Variants in EDDM3A observed in about 807,000 individuals in gnomAD.
EDDM3A encodes the protein epididymal secretory protein E3-alpha.
For missense variants in EDDM3A, 199 were observed against 177.4 expected (o/e 1.12, Z -0.69); for synonymous variants, 75 against 60.4 (o/e 1.24, Z -1.12).
Position 20,745,968 on chromosome 14 carries a change from G to A in EDDM3A, c.-51G>A, listed in dbSNP as rs1400874909. ...CATGCTGATCCCCACTACAATCAGT[G>A]ACCTGAACTCAGAGTCCAAGTAGGG... On this transcript the variant is annotated 5_prime_UTR_variant, in exon 1 of 2. Transcript: ENST00000326842. 2.0e-5 allele frequency: 3 copies of A among 152,192 alleles called. No homozygotes were observed. The highest frequency in any genetic ancestry group is 4.4e-5 in the Non-Finnish European group (3 of 68,056). The allele number at this position is 152,192 out of a possible 1,614,324, so 9.4% of individuals were successfully genotyped here.
At chr14:20,746,342 G>T (rs1413044301) in intron 1 of EDDM3A, among the ~76,000 whole-genome samples, 1 of 151,980 alleles carries the variant, frequency 6.6e-6, no homozygotes, top group Non-Finnish European at 1.5e-5. Flanking sequence ...TTAGACTCTT[G>T]CAGGTCTGTA....
rs532594291 is a variant in EDDM3A at position 20,747,837 on chromosome 14, G to C, written c.257G>C (p.Ser86Thr). The change falls in exon 2 of 2, where the codon AGC (serine) becomes ACC (threonine). Residue 86 changes from serine to threonine, a missense_variant. By Grantham distance (58) the Ser-to-Thr change is moderately conservative (BLOSUM62 1). Transcript: ENST00000326842. ...CGTGCATGCATCAATGAGAAGGGGA[G>C]CGACCGATATAGAAATGCATATGTA... ...IQRACINEKG[S>T]DRYRNAYVWA... The C allele has an allele frequency of 6.2e-7, 1 of 1,614,040 alleles. No individual in the cohort carries two copies. Among genetic ancestry groups the C allele is most frequent in the Admixed American group, 1.7e-5 (1 of 60,012 alleles).
chr14:20,741,445 CAT>C, upstream of EDDM3A, among the ~76,000 whole-genome samples: 1 of 152,278 alleles, frequency 6.6e-6, no homozygotes, highest in East Asian at 1.9e-4. Flanking sequence ...AACTATAAAA[CAT>C]GTAGCAGCAA....
At position 20,747,608 on chromosome 14, in the gene EDDM3A, A is replaced by G; in HGVS notation, c.28A>G (p.Ile10Val). 1 of 1,610,300 alleles carries G rather than the reference A, an allele frequency of 6.2e-7. No homozygotes were observed. The highest frequency in any genetic ancestry group is 8.5e-7 in the Non-Finnish European group (1 of 1,177,824). Residue 10 changes from isoleucine (I) to valine (V), a missense_variant, in exon 2 of 2, where the codon ATA becomes GTA. Physicochemically the swap from Ile to Val is conservative, Grantham distance 29. Transcript: ENST00000326842. MTSSLKIWG[I>V]LLALLCILCR... is the part of the protein sequence containing the mutation. ...GACATCCTCTCTAAAGATTTGGGGC[A>G]TACTCTTGGCCCTGCTTTGCATCCT...
rs755249699 is a variant in EDDM3A at position 20,747,812 on chromosome 14, C to T, written c.232C>T (p.Arg78Cys). The change falls in exon 2 of 2, where the codon CGT becomes TGT. Residue 78 changes from arginine (R) to cysteine (C), a missense_variant. Arg to Cys is a radical substitution (Grantham distance 180, BLOSUM62 -3). Transcript: ENST00000326842. The part of the protein sequence containing the change: ...FIYSLWFKIQ[R>C]ACINEKGSDR... ...CTATAGCTTATGGTTCAAAATTCAG[C>T]GTGCATGCATCAATGAGAAGGGGAG... The T allele has an allele frequency of 3.4e-5, 55 of 1,613,904 alleles. No individual in the cohort carries two copies. In the African/African-American group the frequency reaches 5.9e-4, roughly 17 times the overall value.
chr14:20,736,311 T>C, the EDDM3A span, among the ~76,000 whole-genome samples: 3 of 152,194 alleles, frequency 2.0e-5, no homozygotes, highest in Admixed American at 1.3e-4. Context: ...GGTTTCACCA[T>C]GTTGGCCAGG....
At chr14:20,740,831 G>GTTTA in the EDDM3A span, among the ~76,000 whole-genome samples, 4 of 151,986 alleles carry the variant, frequency 2.6e-5, no homozygotes, top group African/African-American at 7.3e-5. Flanking sequence ...ATGACAAGAT[G>GTTTA]CAGGAATGGC....
At chr14:20,739,497 A>G in the EDDM3A span, among the ~76,000 whole-genome samples, 1 of 152,174 alleles carries the variant, frequency 6.6e-6, no homozygotes, top group Non-Finnish European at 1.5e-5. Flanking sequence ...AGCAATTGTC[A>G]TGAGATCCAA....
chr14:20,747,520 A>C (rs1877631872), intron 1 of EDDM3A, 35 bp from the exon 2 acceptor site: 13 of 1,323,508 alleles, frequency 9.8e-6, no homozygotes, highest in Non-Finnish European at 1.4e-5. Context: ...CTCTGAGTAT[A>C]GTCTGGTTAA....
rs747322164 is a variant in EDDM3A, at chr14:20,747,694, C to T, written c.114C>T (p.Tyr38=). The T allele has an allele frequency of 2.5e-6, 4 of 1,614,004 alleles. No individual in the cohort carries two copies. Among genetic ancestry groups the T allele is most frequent in the Admixed American group, 1.7e-5 (1 of 59,998 alleles). ...GGAGAGAATTCATAAAACTTCATTA[C>T]TTAAGTCCAAGTCGAGAATTCAAAG... ...IYWREFIKLH[Y]LSPSREFKEY... The change falls in exon 2 of 2, where the codon TAC becomes TAT. Residue 38 remains tyrosine, a synonymous_variant. Coordinates refer to ENST00000326842, the MANE Select transcript of EDDM3A (RefSeq NM_006683.5).
rs754085330 is a variant in EDDM3A, at chr14:20,747,980, G to C, written c.400G>C (p.Asp134His). The C allele has an allele frequency of 6.2e-7, 1 of 1,612,670 alleles. No homozygotes were observed. Among genetic ancestry groups the C allele is most frequent in the South Asian group, 1.1e-5 (1 of 90,718 alleles). ...EFHCGVDGYV[D>H]NIEDLRIIEP... is the part of the protein sequence containing the mutation. The stretch of plus-strand genomic sequence containing the variant: ...CCATTGTGGCGTAGATGGATATGTT[G>C]ATAACATAGAAGACCTGAGGATTAT... The change falls in exon 2 of 2, where the codon GAT (aspartate) becomes CAT (histidine). Residue 134 changes from aspartate to histidine, a missense_variant. Asp to His is a moderately conservative substitution (Grantham distance 81). Transcript: ENST00000326842.
At chr14:20,736,166 G>A in the EDDM3A span, among the ~76,000 whole-genome samples, 2 of 151,158 alleles carry the variant, frequency 1.3e-5, no homozygotes, top group Non-Finnish European at 2.9e-5. Context: ...CTGGAGTGCA[G>A]TGGCCAGATC....
upstream of EDDM3A, among the ~76,000 whole-genome samples, chr14:20,745,390 G>A (rs1324827678): frequency 1.3e-5 from 2 of 152,172 alleles, no homozygotes; most frequent in East Asian, 3.9e-4. Flanking sequence ...GCTGGGCGTG[G>A]TGACAGGCGC....
Position 20,748,332 on chromosome 14 carries a change from A to C in EDDM3A, c.*308A>C, listed in dbSNP as rs987387731. 1.6e-5 allele frequency: 4 copies of C among 249,004 alleles called. No homozygotes were observed. Among genetic ancestry groups the C allele is most frequent in the Non-Finnish European group, 3.3e-5 (4 of 121,310 alleles). The allele number at this position is 249,004 out of a possible 1,614,324, so 15.4% of individuals were successfully genotyped here. Reference sequence around the variant, plus strand: ...ATATTGACTCTCTTTATACCTACCCAAGCTGAACGACCCTCCTTTTCTTAA... The same window carrying C: ...ATATTGACTCTCTTTATACCTACCCCAGCTGAACGACCCTCCTTTTCTTAA... On this transcript the variant is annotated 3_prime_UTR_variant, in exon 2 of 2. Coordinates refer to ENST00000326842, the MANE Select transcript of EDDM3A (RefSeq NM_006683.5).
upstream of EDDM3A, among the ~76,000 whole-genome samples, chr14:20,742,012 C>T (rs1877449132): frequency 6.6e-6 from 1 of 152,190 alleles, no homozygotes; most frequent in Non-Finnish European, 1.5e-5. Context: ...CTTACATATG[C>T]CTGAATACCT....
upstream of EDDM3A, among the ~76,000 whole-genome samples, chr14:20,745,645 C>T (rs1458125566): frequency 6.6e-6 from 1 of 152,152 alleles, no homozygotes; most frequent in Admixed American, 6.5e-5. Flanking sequence ...TGGTTGTCTC[C>T]TGATAGCACC....
Position 20,748,049 on chromosome 14 carries a change from T to C in EDDM3A, c.*25T>C, listed in dbSNP as rs1877662446. On this transcript the variant is annotated 3_prime_UTR_variant, in exon 2 of 2. Transcript: ENST00000326842. The stretch of plus-strand genomic sequence containing the variant: ...GAAAGTCTATGCACATCCTCAGATA[T>C]TGGTAGAGTATTCAGTGCTTCCAAA... The C allele has an allele frequency of 7.1e-6, 11 of 1,551,760 alleles. No individual in the cohort carries two copies. Among genetic ancestry groups the C allele is most frequent in the South Asian group, 3.7e-5 (3 of 80,412 alleles).
chr14:20,741,408 G>A (rs1191759322), upstream of EDDM3A, among the ~76,000 whole-genome samples: 2 of 152,160 alleles, frequency 1.3e-5, no homozygotes, highest in East Asian at 1.9e-4. Flanking sequence ...GGTGTTCACC[G>A]GCAGAGACCT....
chr14:20,745,160 A>G (rs896971410), upstream of EDDM3A, among the ~76,000 whole-genome samples: 3 of 151,476 alleles, frequency 2.0e-5, no homozygotes, highest in Non-Finnish European at 2.9e-5. Context: ...TGGCAGGTTG[A>G]GACTGCAGGG....
Sources: allele counts gnomAD v4.1 joint callset (sites outside exome capture counted in the v4.1 genomes callset), GRCh38; gene constraint gnomAD v4.1.1; transcripts MANE v1.5; gene names NCBI Gene and HGNC (gene_info 2026-07-23, HGNC 2026-07-21).